Variants in DGKI observed in about 807,000 individuals in gnomAD.
DGKI encodes diacylglycerol kinase iota.
Under a neutral mutation model 147.5 loss-of-function variants are expected in DGKI, and 55 were observed. The ratio of observed to expected loss-of-function variants is 0.37; its 90% CI spans 0.30 to 0.47. The LOEUF (loss-of-function observed/expected upper bound fraction) is 0.47, where lower values mean the gene tolerates loss of function less well. DGKI is among the 20% of genes least tolerant of loss of function. DGKI has a pLI of 1.00. For missense variants in DGKI, 1,007 were observed against 1,323.8 expected, an observed-to-expected ratio of 0.76 and a Z score of 3.71; for synonymous variants, 469 against 477.1, an observed-to-expected ratio of 0.98 and a Z score of 0.22.
chr7:137,630,993 T>TTA (rs1821104946), intron 6 of DGKI, among the ~76,000 whole-genome samples: 4 of 152,048 alleles, frequency 2.6e-5, no homozygotes, highest in African/African-American at 9.7e-5. Flanking sequence ...GGGTTTTTTT[T>TTA]GAAAAAAAGA....
intron 1 of DGKI, among the ~76,000 whole-genome samples, chr7:137,828,963 C>A (rs562941290): frequency 6.6e-6 from 1 of 152,312 alleles, no homozygotes; most frequent in Non-Finnish European, 1.5e-5. Flanking sequence ...AGTTCATATC[C>A]TTCATCTTGA....
intron 1 of DGKI, among the ~76,000 whole-genome samples, chr7:137,721,299 T>C (rs1230529298): frequency 6.6e-6 from 1 of 152,220 alleles, no homozygotes; most frequent in Non-Finnish European, 1.5e-5. Context: ...TCTGTACTAG[T>C]AACTAGTCTA....
In DGKI at chr7:137,384,381, C is replaced by T. The variant is rs985254848; in HGVS notation, c.*6839G>A. On this transcript the variant is annotated 3_prime_UTR_variant, in exon 33 of 33. Coordinates refer to ENST00000614521, the MANE Select transcript of DGKI (RefSeq NM_001321708.2). ...TCCCTTATTTCTAACTCATTCTTTCCGTGGAAACTTAGGTAAACATTTTTT... is the reference window on the plus strand; with the variant it reads ...TCCCTTATTTCTAACTCATTCTTTCTGTGGAAACTTAGGTAAACATTTTTT... The T allele has an allele frequency of 2.6e-4, 38 of 144,698 alleles. No homozygotes were observed. The highest frequency in any genetic ancestry group is 9.2e-4 in the African/African-American group (37 of 40,004). The allele number at this position is 144,698 out of a possible 1,614,324, so 9.0% of individuals were successfully genotyped here. A position where few individuals can be genotyped will look rare whatever the true frequency, so the allele number is the denominator to read the frequency against.
intron 1 of DGKI, among the ~76,000 whole-genome samples, chr7:137,825,469 G>A (rs1798027089): frequency 6.6e-6 from 1 of 152,102 alleles, no homozygotes; most frequent in African/African-American, 2.4e-5. Context: ...ATTCCATTCA[G>A]CACCAACAGC....
At chr7:137,768,673 G>C (rs943976670) in intron 1 of DGKI, among the ~76,000 whole-genome samples, 40 of 152,166 alleles carry the variant, frequency 2.6e-4, no homozygotes, top group African/African-American at 9.2e-4. Flanking sequence ...AAGGTGCCCT[G>C]AATCTTTGCC....
intron 1 of DGKI, among the ~76,000 whole-genome samples, chr7:137,834,429 G>A (rs1265028125): frequency 6.6e-6 from 1 of 152,176 alleles, no homozygotes; most frequent in African/African-American, 2.4e-5. Flanking sequence ...CCATACTAAT[G>A]AACCCAGCAC....
chr7:137,536,264 T>C (rs1817517411), intron 20 of DGKI, among the ~76,000 whole-genome samples: 1 of 152,170 alleles, frequency 6.6e-6, no homozygotes, highest in Admixed American at 6.6e-5. Context: ...TACCATTTCT[T>C]GTTCTCTGTC....
chr7:137,660,806 T>C (rs1365188436), intron 3 of DGKI, among the ~76,000 whole-genome samples: 1 of 146,766 alleles, frequency 6.8e-6, no homozygotes, highest in Admixed American at 6.9e-5. Context: ...ATGGGAAAGA[T>C]GATGAAAAAT....
intron 20 of DGKI, among the ~76,000 whole-genome samples, chr7:137,542,119 G>A (rs1009523300): frequency 2.0e-5 from 3 of 152,204 alleles, no homozygotes; most frequent in Non-Finnish European, 2.9e-5. Context: ...ACAGTACCAA[G>A]TGCTGATAGG....
At chr7:137,472,232 TA>T (rs1373947008) in intron 23 of DGKI, among the ~76,000 whole-genome samples, 26 of 105,162 alleles carry the variant, frequency 2.5e-4, no homozygotes, top group African/African-American at 1.0e-3. Flanking sequence ...TATATACATA[TA>T]ATATATGTAT....
chr7:137,699,297 G>A (rs1823897763), intron 1 of DGKI, among the ~76,000 whole-genome samples: 1 of 152,202 alleles, frequency 6.6e-6, no homozygotes, highest in Non-Finnish European at 1.5e-5. Flanking sequence ...AGGATTTTAG[G>A]ATTGAGAGGG....
intron 19 of DGKI, among the ~76,000 whole-genome samples, chr7:137,566,904 T>C (rs1212268049): frequency 9.5e-6 from 1 of 104,748 alleles, no homozygotes; most frequent in Non-Finnish European, 1.7e-5. Context: ...ATATTCTCTC[T>C]TTTATGTTTT....
intron 21 of DGKI, among the ~76,000 whole-genome samples, chr7:137,504,399 A>G (rs1816293532): frequency 6.6e-6 from 1 of 152,198 alleles, no homozygotes; most frequent in Non-Finnish European, 1.5e-5. Flanking sequence ...CTTAGAGAAA[A>G]GCTTCTCAGA....
At chr7:137,497,810 T>A (rs557906005) in intron 21 of DGKI, among the ~76,000 whole-genome samples, 1 of 152,218 alleles carries the variant, frequency 6.6e-6, no homozygotes, top group South Asian at 2.1e-4. Context: ...GCCTCCTTGA[T>A]GGTAGAGAGA....
chr7:137,720,138 A>T (rs1489466268), intron 1 of DGKI, among the ~76,000 whole-genome samples: 1 of 152,132 alleles, frequency 6.6e-6, no homozygotes, highest in Admixed American at 6.5e-5. Flanking sequence ...CTAGAGCTGT[A>T]ATACTTGCCT....
chr7:137,551,040 C>G (rs753641760), intron 20 of DGKI, among the ~76,000 whole-genome samples: 2 of 151,910 alleles, frequency 1.3e-5, no homozygotes, highest in East Asian at 3.9e-4. Flanking sequence ...GCAGCAGGCA[C>G]GGAGGACAGG....
At chr7:137,704,822 C>T (rs964046645) in intron 1 of DGKI, among the ~76,000 whole-genome samples, 2 of 152,108 alleles carry the variant, frequency 1.3e-5, no homozygotes, top group Non-Finnish European at 2.9e-5. Flanking sequence ...TGGATGGTTT[C>T]TTCAGAAAAT....
intron 14 of DGKI, among the ~76,000 whole-genome samples, chr7:137,582,746 A>G (rs1015350485): frequency 6.6e-6 from 1 of 152,158 alleles, no homozygotes; most frequent in Non-Finnish European, 1.5e-5. Flanking sequence ...TCCTGCATTA[A>G]AACTGCAAAA....
intron 3 of DGKI, among the ~76,000 whole-genome samples, chr7:137,666,988 T>C (rs975863991): frequency 1.2e-4 from 18 of 152,200 alleles, no homozygotes; most frequent in African/African-American, 4.3e-4. Context: ...TTTGTTTTTC[T>C]ATGCTTCTCA....
Sources: allele counts gnomAD v4.1 joint callset (sites outside exome capture counted in the v4.1 genomes callset), GRCh38; gene constraint gnomAD v4.1.1; transcripts MANE v1.5; gene names NCBI Gene and HGNC (gene_info 2026-07-23, HGNC 2026-07-21).